Variants in CNOT6L observed in about 807,000 individuals in gnomAD.
CNOT6L encodes CCR4-NOT transcription complex subunit 6-like.
In CNOT6L, 7 loss-of-function variants were observed where a neutral mutation model predicts 64.0. That is an observed-to-expected ratio of 0.11 (90% CI 0.06 to 0.21). CNOT6L has a LOEUF of 0.21. Among genes scored for constraint, CNOT6L ranks in the 10% least tolerant of loss-of-function variants. CNOT6L has a pLI of 1.00. For synonymous variants in CNOT6L, 193 were observed against 243.4 expected, an observed-to-expected ratio of 0.79 and a Z score of 1.93; for missense variants, 245 against 669.0, an observed-to-expected ratio of 0.37 and a Z score of 6.99.
intron 1 of CNOT6L, among the ~76,000 whole-genome samples, chr4:77,801,042 A>T (rs1354647051): frequency 6.6e-6 from 1 of 152,222 alleles, no homozygotes; most frequent in African/African-American, 2.4e-5. Flanking sequence ...CAGAAAGGTT[A>T]GAAGGGAAAG....
chr4:77,760,577 A>T (rs4859875), intron 4 of CNOT6L, among the ~76,000 whole-genome samples: 35,676 of 147,510 alleles, frequency 0.24, 5,123 homozygotes, highest in East Asian at 0.48. Flanking sequence ...CAATAAAATT[A>T]AAAAAAAAAA....
Position 77,728,898 on chromosome 4 carries a change from A to G in CNOT6L, c.1208T>C (p.Ile403Thr). The G allele has an allele frequency of 6.2e-7, 1 of 1,613,710 alleles. No individual in the cohort carries two copies. The highest frequency in any genetic ancestry group is 1.3e-5 in the African/African-American group (1 of 75,020). ...PGSPTADPNS[I>T]PLVLCADLNS... ...AAGATCTGCACATAGCACCAGCGGG[A>G]TGGAATTAGGATCTGCAGTTGGGCT... The change falls in exon 10 of 12, where the codon ATC (isoleucine) becomes ACC (threonine). Residue 403 changes from isoleucine to threonine, a missense_variant. This residue lies in a region of CNOT6L where 17 missense variants were observed against 23.6 expected (regional missense o/e 0.72). Coordinates refer to ENST00000504123, the MANE Select transcript of CNOT6L (RefSeq NM_144571.3).
At chr4:77,790,803 TGC>T (rs1730046065) in intron 1 of CNOT6L, among the ~76,000 whole-genome samples, 1 of 149,100 alleles carries the variant, frequency 6.7e-6, no homozygotes, top group East Asian at 2.1e-4. Context: ...TGCCCACCAC[TGC>T]GCCTGGCTGA....
chr4:77,765,244 C>A (rs561306392), intron 4 of CNOT6L, among the ~76,000 whole-genome samples: 29 of 152,226 alleles, frequency 1.9e-4, no homozygotes, highest in Non-Finnish European at 3.7e-4. Flanking sequence ...GAAAAAATCA[C>A]CCCTTGTTTA....
chr4:77,759,991 C>T lies in CNOT6L; in HGVS notation c.401-3040G>A, dbSNP rs776350424. Among the ~76,000 whole-genome samples, 7 of 152,124 alleles carry T rather than the reference C, an allele frequency of 4.6e-5. No homozygotes were observed. The South Asian group carries it at 1.2e-3, about 27-fold the overall frequency. ...AAAACTAGATACCAACAGACAAATA[C>T]CCAGAAAGTTCCCAAATATTCTGAA... On this transcript the variant is annotated intron_variant, in intron 4 of 11. Coordinates refer to ENST00000504123, the MANE Select transcript of CNOT6L (RefSeq NM_144571.3).
At chr4:77,807,221 T>C (rs1732328590) in intron 1 of CNOT6L, among the ~76,000 whole-genome samples, 1 of 142,668 alleles carries the variant, frequency 7.0e-6, no homozygotes, top group African/African-American at 2.7e-5. Context: ...GAGGTTGCAG[T>C]GAGCCGAGAT....
Position 77,715,594 on chromosome 4 carries a change from T to C in CNOT6L, c.*4837A>G, listed in dbSNP as rs75036914. ...CTGGTTATCACCCTATTTCCTGGTG[T>C]AGGACCTGGGGTTTAATAGAGACAT... On this transcript the variant is annotated 3_prime_UTR_variant, in exon 12 of 12. Coordinates refer to ENST00000504123, the MANE Select transcript of CNOT6L (RefSeq NM_144571.3). 3,018 of 152,310 alleles carry C rather than the reference T, an allele frequency of 0.02. 33 individuals are homozygous for C. Among genetic ancestry groups the C allele is most frequent in the Non-Finnish European group, 0.028 (1,931 of 67,972 alleles). The allele number at this position is 152,310 out of a possible 1,614,324, so 9.4% of individuals were successfully genotyped here. A position where few individuals can be genotyped will look rare whatever the true frequency, so the allele number is the denominator to read the frequency against.
chr4:77,772,383 C>T (rs1407823687), intron 4 of CNOT6L, among the ~76,000 whole-genome samples: 1 of 152,060 alleles, frequency 6.6e-6, no homozygotes, highest in African/African-American at 2.4e-5. Context: ...TGCACCACCA[C>T]ACACGGCTAA....
At chr4:77,806,018 C>T (rs1267293997) in intron 1 of CNOT6L, among the ~76,000 whole-genome samples, 2 of 152,256 alleles carry the variant, frequency 1.3e-5, no homozygotes, top group Non-Finnish European at 2.9e-5. Context: ...CTGACTTCCT[C>T]ATAGTCAATC....
At chr4:77,770,991 G>T (rs759213126) in intron 4 of CNOT6L, among the ~76,000 whole-genome samples, 1 of 152,184 alleles carries the variant, frequency 6.6e-6, no homozygotes, top group Non-Finnish European at 1.5e-5. Context: ...TTTCAGGAAT[G>T]TTTCTAATAC....
intron 1 of CNOT6L, among the ~76,000 whole-genome samples, chr4:77,791,999 T>G (rs1730204802): frequency 6.6e-6 from 1 of 152,212 alleles, no homozygotes; most frequent in Non-Finnish European, 1.5e-5. Flanking sequence ...TCAATAATTT[T>G]AAATTCAAAT....
At position 77,718,181 on chromosome 4, in the gene CNOT6L, A is replaced by G. The variant is rs768249356; in HGVS notation, c.*2250T>C. The stretch of plus-strand genomic sequence containing the variant: ...TCTCAAAAAATATTGGGAGTGAAGT[A>G]TGGTAGGAAATATTGCTCACATTGC... On this transcript the variant is annotated 3_prime_UTR_variant, in exon 12 of 12. Transcript: ENST00000504123. 1 of 152,566 alleles carries G rather than the reference A, an allele frequency of 6.6e-6. No homozygotes were observed. Among genetic ancestry groups the G allele is most frequent in the South Asian group, 2.1e-4 (1 of 4,832 alleles). The allele number at this position is 152,566 out of a possible 1,614,324, so 9.5% of individuals were successfully genotyped here.
chr4:77,744,081 A>G lies in CNOT6L; in HGVS notation c.717+637T>C, dbSNP rs145784166. Among the ~76,000 whole-genome samples, 143 of 152,320 alleles carry G rather than the reference A, an allele frequency of 9.4e-4. 2 individuals are homozygous for G. In the East Asian group the frequency reaches 0.02, roughly 21 times the overall value. ...AAATTTTTAAACCTTTAAGCACTTA[A>G]TATGTTTTGAAAGTTGCTAAGAAAA... is the stretch of plus-strand genomic sequence containing the variant. On this transcript the variant is annotated intron_variant, in intron 7 of 11. Transcript: ENST00000504123.
At chr4:77,784,616 G>A (rs188819149) in intron 1 of CNOT6L, among the ~76,000 whole-genome samples, 62 of 151,172 alleles carry the variant, frequency 4.1e-4, no homozygotes, top group Admixed American at 3.8e-3. Context: ...TCTGAGTACC[G>A]AGGACTACAG....
At chr4:77,748,446 A>C in intron 5 of CNOT6L, 62 bp from the exon 6 acceptor site, 1 of 1,072,248 alleles carries the variant, frequency 9.3e-7, no homozygotes, top group South Asian at 1.3e-5. Flanking sequence ...AAATGTGTTT[A>C]TAATGTCAAA....
At chr4:77,771,339 A>G (rs2110051916) in intron 4 of CNOT6L, among the ~76,000 whole-genome samples, 1 of 152,318 alleles carries the variant, frequency 6.6e-6, no homozygotes, top group East Asian at 1.9e-4. Context: ...TCAAAAAAAA[A>G]AAGTAAATTA....
At chr4:77,774,382 C>G in intron 3 of CNOT6L, 148 bp downstream of exon 3, 3 of 576,780 alleles carry the variant, frequency 5.2e-6, no homozygotes, top group Non-Finnish European at 5.7e-6. Context: ...AAATGTTCAA[C>G]GGAGGCCAAC....
intron 10 of CNOT6L, among the ~76,000 whole-genome samples, chr4:77,728,041 A>G (rs1450752302): frequency 6.6e-6 from 1 of 152,224 alleles, no homozygotes; most frequent in Non-Finnish European, 1.5e-5. Flanking sequence ...CAAAAGAGTA[A>G]TAGTCTAATG....
Position 77,720,406 on chromosome 4 carries a change from C to T in CNOT6L, c.*25G>A, listed in dbSNP as rs1308836481. ...CTGTACAGGTCCATAGCAACAGATC[C>T]CCGTCTTGGCGGGGCAGTACTCCAC... On this transcript the variant is annotated 3_prime_UTR_variant, in exon 12 of 12. Transcript: ENST00000504123. 1.2e-6 allele frequency: 2 copies of T among 1,612,704 alleles called. No individual in the cohort carries two copies. Among genetic ancestry groups the T allele is most frequent in the Admixed American group, 1.7e-5 (1 of 59,968 alleles).
Sources: gnomAD v4.1 joint callset for allele counts (sites outside exome capture counted in the v4.1 genomes callset) on GRCh38, gnomAD v4.1.1 for gene constraint, gnomAD v4.1.1 regional missense constraint, MANE v1.5 for transcripts, NCBI Gene and HGNC (gene_info 2026-07-23, HGNC 2026-07-21) for gene names.